The following GRWD1 variants were observed in gnomAD, a reference collection of about 807,000 sequenced individuals.
The protein encoded by GRWD1 is glutamate rich WD repeat containing 1, also known as glutamate-rich WD repeat-containing protein 1.
GRWD1 carries 29 observed loss-of-function variants against 45.3 expected under a neutral mutation model. The ratio of observed to expected loss-of-function variants is 0.64; its 90% CI spans 0.48 to 0.87. GRWD1 has a LOEUF of 0.87. GRWD1 is among the 40% of genes least tolerant of loss of function. The pLI is 0.00. For synonymous variants in GRWD1, 262 were observed against 257.6 expected (o/e 1.02, Z -0.16); for missense variants, 592 against 618.8 (o/e 0.96, Z 0.46).
chr19:48,450,850 T>C lies in GRWD1; in HGVS notation c.825+42T>C, dbSNP rs750811495. ...TTCTGGTCGTTTAGTTCTGATGGAT[T>C]CTAGGCCAGGGACCTAGAATCCTAG... On this transcript the variant is annotated intron_variant, in intron 5 of 6. Transcript: ENST00000253237. This position sits in a 1 kb window ranked among gnomAD's most constrained non-coding sequence, Gnocchi z 5.1. 8 of 1,584,064 alleles carry C rather than the reference T, an allele frequency of 5.1e-6. No individual in the cohort carries two copies. Among genetic ancestry groups the C allele is most frequent in the Non-Finnish European group, 6.0e-6 (7 of 1,160,838 alleles).
intron 6 of GRWD1, 78 bp downstream of exon 6, chr19:48,451,309 C>A: frequency 7.6e-7 from 1 of 1,322,030 alleles, no homozygotes; most frequent in Non-Finnish European, 1.0e-6. Flanking sequence ...ATTTTTCCTC[C>A]TTGAATAGTT....
In GRWD1 at chr19:48,455,887, G is replaced by C. The variant is rs1195580757; in HGVS notation, c.*2862G>C. 2.6e-5 allele frequency: 4 copies of C among 152,386 alleles called. No individual in the cohort carries two copies. The highest frequency in any genetic ancestry group is 9.7e-5 in the African/African-American group (4 of 41,448). The allele number at this position is 152,386 out of a possible 1,614,324, so 9.4% of individuals were successfully genotyped here. A position where few individuals can be genotyped will look rare whatever the true frequency, so the allele number is the denominator to read the frequency against. On this transcript the variant is annotated 3_prime_UTR_variant, in exon 7 of 7. Coordinates refer to ENST00000253237, the MANE Select transcript of GRWD1 (RefSeq NM_031485.4). ...AGCAGTGGGGTCTGAGAGTCCAGTG[G>C]GGGCTGTGGGCATGTCGGGAGCTCA...
In GRWD1 at chr19:48,446,669, A is replaced by C; in HGVS notation, c.306-12A>C. The C allele has an allele frequency of 1.9e-6, 3 of 1,573,842 alleles. No homozygotes were observed. The highest frequency in any genetic ancestry group is 1.7e-6 in the Non-Finnish European group (2 of 1,159,214). ...GAATCTAGTGCCTAACTCACCCCAC[A>C]ATTTCTCCCAGACTGATGATGCTTC... On this transcript the variant is annotated splice_polypyrimidine_tract_variant and intron_variant, in intron 2 of 6. Coordinates refer to ENST00000253237, the MANE Select transcript of GRWD1 (RefSeq NM_031485.4).
intron 3 of GRWD1, among the ~76,000 whole-genome samples, chr19:48,448,229 C>T (rs1971433368): frequency 6.6e-6 from 1 of 152,190 alleles, no homozygotes; most frequent in African/African-American, 2.4e-5. Flanking sequence ...GGATTATAGG[C>T]ATGAGGCACT....
chr19:48,448,941 G>C (rs1415313133), intron 3 of GRWD1, among the ~76,000 whole-genome samples: 1 of 152,200 alleles, frequency 6.6e-6, no homozygotes, highest in Non-Finnish European at 1.5e-5. Flanking sequence ...CTGTTTTAAA[G>C]TGGTCCCTCT....
At position 48,450,180 on chromosome 19, in the gene GRWD1, G is replaced by C; in HGVS notation, c.469-133G>C. On this transcript the variant is annotated intron_variant, in intron 3 of 6. Coordinates refer to ENST00000253237, the MANE Select transcript of GRWD1 (RefSeq NM_031485.4). The surrounding 1 kb of genome is among the most constrained non-coding windows in gnomAD (Gnocchi z 5.1). ...TTTCTTCCCACAGAGGTTTCAAGGA[G>C]CTGTAGTCCCAGGCCTGGGAGATCT... 1 of 694,368 alleles carries C rather than the reference G, an allele frequency of 1.4e-6. No homozygotes were observed. Among genetic ancestry groups the C allele is most frequent in the Non-Finnish European group, 2.5e-6 (1 of 400,230 alleles). The allele number at this position is 694,368 out of a possible 1,614,324, so 43.0% of individuals were successfully genotyped here. A position where few individuals can be genotyped will look rare whatever the true frequency, so the allele number is the denominator to read the frequency against.
rs533336874 is a variant in GRWD1 at position 48,452,414 on chromosome 19, A to C, written c.1024-294A>C. 6.6e-6 allele frequency among the ~76,000 whole-genome samples: 1 copy of C among 152,150 alleles called. No individual in the cohort carries two copies. The highest frequency in any genetic ancestry group is 1.9e-4 in the East Asian group (1 of 5,152). On this transcript the variant is annotated intron_variant, in intron 6 of 6. Transcript: ENST00000253237. The surrounding 1 kb of genome is among the most constrained non-coding windows in gnomAD (Gnocchi z 5.1). ...CACCCAGCCCATGCCCTCCTTTTAC[A>C]AGGAAGAAAACAGGCAGGCAGAGGG...
chr19:48,450,782 C>A lies in GRWD1; in HGVS notation c.799C>A (p.Leu267Met). 3 of 1,614,006 alleles carry A rather than the reference C, an allele frequency of 1.9e-6. No homozygotes were observed. The highest frequency in any genetic ancestry group is 2.5e-6 in the Non-Finnish European group (3 of 1,179,982). The change falls in exon 5 of 7, where the codon CTG (leucine) becomes ATG (methionine). Residue 267 changes from leucine to methionine, a missense_variant. Coordinates refer to ENST00000253237, the MANE Select transcript of GRWD1 (RefSeq NM_031485.4). This position sits in a 1 kb window ranked among gnomAD's most constrained non-coding sequence, Gnocchi z 5.1. ...FVGHTRSVED[L>M]QWSPTENTVF... ...GGGCCACACACGCTCTGTGGAGGAC[C>A]TGCAGTGGTCACCGACTGAGAACAC...
chr19:48,452,253 C>G lies in GRWD1; in HGVS notation c.1024-455C>G, dbSNP rs980935199. Among the ~76,000 whole-genome samples, 1 of 152,002 alleles carries G rather than the reference C, an allele frequency of 6.6e-6. No individual in the cohort carries two copies. Among genetic ancestry groups the G allele is most frequent in the African/African-American group, 2.4e-5 (1 of 41,382 alleles). ...TAACTGGGATTACAGGCATGTGACA[C>G]CAGCCCGGCTAATTTTGTATTTTTA... On this transcript the variant is annotated intron_variant, in intron 6 of 6. Coordinates refer to ENST00000253237, the MANE Select transcript of GRWD1 (RefSeq NM_031485.4). The surrounding 1 kb of genome is among the most constrained non-coding windows in gnomAD (Gnocchi z 5.1).
In GRWD1 at chr19:48,450,737, G is replaced by C. The variant is rs760608266; in HGVS notation, c.754G>C (p.Val252Leu). 6.2e-7 allele frequency: 1 copy of C among 1,614,090 alleles called. No homozygotes were observed. Among genetic ancestry groups the C allele is most frequent in the Non-Finnish European group, 8.5e-7 (1 of 1,180,038 alleles). ...WTPTDGGSWH[V>L]DQRPFVGHTR... Reference sequence around the variant, plus strand: ...ACCTACGGACGGCGGCTCCTGGCACGTGGACCAGCGGCCATTCGTGGGCCA... The same window carrying C: ...ACCTACGGACGGCGGCTCCTGGCACCTGGACCAGCGGCCATTCGTGGGCCA... Residue 252 changes from valine to leucine, a missense_variant, in exon 5 of 7, where the codon GTG (valine) becomes CTG (leucine). Transcript: ENST00000253237. The surrounding 1 kb of genome is among the most constrained non-coding windows in gnomAD (Gnocchi z 5.1).
chr19:48,449,219 A>C (rs990164782), intron 3 of GRWD1, among the ~76,000 whole-genome samples: 1 of 151,954 alleles, frequency 6.6e-6, no homozygotes, highest in Non-Finnish European at 1.5e-5. Flanking sequence ...TCAGCCTCCT[A>C]AGTAGCTGGG....
Position 48,451,161 on chromosome 19 carries a change from GC to G in GRWD1, c.955del (p.Arg319GlyfsTer38). The stretch of plus-strand genomic sequence containing the variant: ...GACGTCAATGTCATCAGCTGGAGCC[GC>G]CGGGAGCCCTTCCTGCTCAGTGGCG... ...DGDVNVISWS[R>X]REPFLLSGGD... On this transcript the variant is annotated frameshift_variant, in exon 6 of 7. Coordinates refer to ENST00000253237, the MANE Select transcript of GRWD1 (RefSeq NM_031485.4). LOFTEE classifies it high-confidence loss of function. 1 of 1,613,766 alleles carries G rather than the reference GC, an allele frequency of 6.2e-7. No individual in the cohort carries two copies. The highest frequency in any genetic ancestry group is 8.5e-7 in the Non-Finnish European group (1 of 1,179,754).
At chr19:48,446,632 C>A in intron 2 of GRWD1, 49 bp from the exon 3 acceptor site, 1 of 1,552,100 alleles carries the variant, frequency 6.4e-7, no homozygotes, top group Non-Finnish European at 8.7e-7. Flanking sequence ...TCTCTCCTTC[C>A]TAAGAATCCT....
At chr19:48,449,482 A>G (rs1643485) in intron 3 of GRWD1, among the ~76,000 whole-genome samples, 127,007 of 152,108 alleles carry the variant, frequency 0.83, 53,705 homozygotes, top group Non-Finnish European at 0.91. Context: ...AGGTGGAGAG[A>G]GAGCAGTTGC....
intron 6 of GRWD1, 127 bp downstream of exon 6, chr19:48,451,358 C>T (rs187681407): frequency 1.3e-6 from 1 of 791,700 alleles, no homozygotes; most frequent in Non-Finnish European, 1.9e-6. Flanking sequence ...GAACTAGACT[C>T]CTGCCTCTTC....
intron 3 of GRWD1, among the ~76,000 whole-genome samples, chr19:48,449,291 A>C (rs1313487207): frequency 6.6e-6 from 1 of 152,110 alleles, no homozygotes; most frequent in African/African-American, 2.4e-5. Flanking sequence ...GCGGGGTTTC[A>C]TCATGTTGGC....
intron 6 of GRWD1, 104 bp downstream of exon 6, chr19:48,451,335 T>C (rs1176150806): frequency 2.0e-6 from 2 of 1,024,968 alleles, no homozygotes; most frequent in South Asian, 1.7e-5. Flanking sequence ...CAACCAGAGC[T>C]GGAGAGCCCT....
Sources: allele counts gnomAD v4.1 joint callset (sites outside exome capture counted in the v4.1 genomes callset), GRCh38; gene constraint gnomAD v4.1.1; non-coding constraint Gnocchi (gnomAD v3.1); transcripts MANE v1.5; gene names NCBI Gene and HGNC (gene_info 2026-07-23, HGNC 2026-07-21).